The following STK3 variants were observed in gnomAD, a reference collection of about 807,000 sequenced individuals.
STK3 encodes the protein serine/threonine-protein kinase 3.
In STK3, 41 loss-of-function variants were observed where a neutral mutation model predicts 58.0. The observed-to-expected ratio is 0.71, with a 90% CI of 0.55 to 0.92. STK3 has a LOEUF of 0.92. STK3 is among the 40% of genes least tolerant of loss of function. The probability of loss-of-function intolerance (pLI) is 0.00; values close to 1 mark genes in which losing one functional copy is unlikely to be tolerated. For missense variants in STK3, 479 were observed against 602.7 expected, an observed-to-expected ratio of 0.79 and a Z score of 2.15; for synonymous variants, 170 against 191.0, an observed-to-expected ratio of 0.89 and a Z score of 0.91.
downstream of STK3, among the ~76,000 whole-genome samples, chr8:98,450,852 C>T (rs1320941655): frequency 6.6e-6 from 1 of 152,180 alleles, no homozygotes; most frequent in East Asian, 1.9e-4. Flanking sequence ...GAAGAGCCAT[C>T]AGCAAGCAGG....
At chr8:98,667,985 C>T (rs1266168735) in intron 6 of STK3, among the ~76,000 whole-genome samples, 1 of 152,044 alleles carries the variant, frequency 6.6e-6, no homozygotes, top group African/African-American at 2.4e-5. Context: ...CTTAAAAATA[C>T]ATTAGAGTAT....
intron 3 of STK3, among the ~76,000 whole-genome samples, chr8:98,860,996 G>A (rs903069612): frequency 2.0e-5 from 3 of 152,068 alleles, no homozygotes; most frequent in African/African-American, 7.2e-5. Context: ...GGAGGTGGAG[G>A]TTGCAGTGAG....
In STK3 at chr8:98,522,552, C is replaced by CA. The variant is rs530172074; in HGVS notation, c.1317+4189dup. Among the ~76,000 whole-genome samples, 187 of 151,946 alleles carry CA rather than the reference C, an allele frequency of 1.2e-3. 1 individual carries two copies. The highest frequency in any genetic ancestry group is 4.1e-3 in the African/African-American group (172 of 41,452). ...CCTCTTCTCTTATGCATTTTTTATGCAAAAAAATGCATAACACAAAATTAA... is the reference window on the plus strand; with the variant it reads ...CCTCTTCTCTTATGCATTTTTTATGCAAAAAAAATGCATAACACAAAATTAA... On this transcript the variant is annotated intron_variant, in intron 10 of 10. Coordinates refer to ENST00000419617, the MANE Select transcript of STK3 (RefSeq NM_006281.4).
chr8:98,876,381 A>T (rs1437771305), intron 3 of STK3, among the ~76,000 whole-genome samples: 1 of 152,188 alleles, frequency 6.6e-6, no homozygotes, highest in East Asian at 1.9e-4. Flanking sequence ...AGAGAAATTA[A>T]TCTCTCAATG....
intron 4 of STK3, among the ~76,000 whole-genome samples, chr8:98,712,126 G>C (rs1232548466): frequency 6.6e-6 from 1 of 152,196 alleles, no homozygotes; most frequent in African/African-American, 2.4e-5. Flanking sequence ...AAGAGCTCTT[G>C]AAGGAAGCAA....
intron 3 of STK3, among the ~76,000 whole-genome samples, chr8:98,433,401 T>C (rs1818373109): frequency 6.6e-6 from 1 of 152,076 alleles, no homozygotes; most frequent in African/African-American, 2.4e-5. Flanking sequence ...TGCTGGGGGA[T>C]ACATAGAGAC....
chr8:98,569,039 A>C (rs1812738252), intron 8 of STK3, among the ~76,000 whole-genome samples: 1 of 152,230 alleles, frequency 6.6e-6, no homozygotes, highest in South Asian at 2.1e-4. Context: ...GCAAAGATCC[A>C]AAAACTCCCA....
intron 10 of STK3, among the ~76,000 whole-genome samples, chr8:98,488,969 C>A (rs1429060323): frequency 6.6e-6 from 1 of 152,092 alleles, no homozygotes; most frequent in Non-Finnish European, 1.5e-5. Context: ...CCCATTTCAC[C>A]CCTTTCTCCA....
At chr8:98,375,274 A>AAAAC (rs1554585399) in intron 2 of STK3, among the ~76,000 whole-genome samples, 1 of 143,006 alleles carries the variant, frequency 7.0e-6, no homozygotes, top group African/African-American at 2.9e-5. Flanking sequence ...AAAAAAACAA[A>AAAAC]AAAAAACAAA....
intron 1 of STK3, among the ~76,000 whole-genome samples, chr8:98,894,025 T>C (rs1481007648): frequency 6.6e-6 from 1 of 152,232 alleles, no homozygotes; most frequent in East Asian, 1.9e-4. Context: ...GTTCACTGGT[T>C]TATTAGTTTG....
intron 4 of STK3, among the ~76,000 whole-genome samples, chr8:98,726,469 C>T (rs909941901): frequency 2.0e-5 from 3 of 152,050 alleles, no homozygotes; most frequent in African/African-American, 7.2e-5. Context: ...TGGTCTAATC[C>T]CACAATGCAT....
chr8:98,389,770 C>T (rs867415142), upstream of STK3, among the ~76,000 whole-genome samples: 6 of 149,992 alleles, frequency 4.0e-5, no homozygotes, highest in African/African-American at 1.5e-4. Context: ...AGACCAACCA[C>T]CAAAGCCAGG....
intron 1 of STK3, among the ~76,000 whole-genome samples, chr8:98,934,332 T>C (rs1157857585): frequency 6.6e-6 from 1 of 152,210 alleles, no homozygotes; most frequent in Non-Finnish European, 1.5e-5. Flanking sequence ...AATGCTGCCA[T>C]GTGGTACAAG....
At chr8:98,582,280 T>C (rs905710740) in intron 7 of STK3, among the ~76,000 whole-genome samples, 1 of 152,026 alleles carries the variant, frequency 6.6e-6, no homozygotes, top group African/African-American at 2.4e-5. Context: ...TTTTTCTTGT[T>C]GAAATACTTT....
upstream of STK3, among the ~76,000 whole-genome samples, chr8:98,390,671 T>C (rs1817840402): frequency 6.6e-6 from 1 of 152,166 alleles, no homozygotes; most frequent in Non-Finnish European, 1.5e-5. Flanking sequence ...GGGTCTCTGA[T>C]GACTTAAATG....
At chr8:98,909,815 A>T (rs1264556758) in intron 1 of STK3, among the ~76,000 whole-genome samples, 1 of 152,258 alleles carries the variant, frequency 6.6e-6, no homozygotes, top group African/African-American at 2.4e-5. Flanking sequence ...GTTGCTATAA[A>T]CATTCATGTT....
chr8:98,720,091 T>G (rs1460842637), intron 4 of STK3, among the ~76,000 whole-genome samples: 1 of 152,254 alleles, frequency 6.6e-6, no homozygotes, highest in Non-Finnish European at 1.5e-5. Context: ...ATCTGTACTT[T>G]AAGACTTTTA....
upstream of STK3, among the ~76,000 whole-genome samples, chr8:98,828,412 G>A (rs1341736526): frequency 7.6e-6 from 1 of 131,524 alleles, no homozygotes; most frequent in Non-Finnish European, 1.6e-5. Flanking sequence ...GACCAGCCTG[G>A]GAAACATGGT....
chr8:98,737,233 G>T lies in STK3; in HGVS notation c.351+12043C>A, dbSNP rs80290165. ...TTCATTTAAGTGAATATAATAATAA[G>T]AAAAGTCAATTCAAGGGCTCTACCT... is the stretch of plus-strand genomic sequence containing the variant. On this transcript the variant is annotated intron_variant, in intron 4 of 10. Coordinates refer to ENST00000419617, the MANE Select transcript of STK3 (RefSeq NM_006281.4). Among the ~76,000 whole-genome samples, 238 of 152,064 alleles carry T rather than the reference G, an allele frequency of 1.6e-3. 1 individual carries two copies. Among genetic ancestry groups the T allele is most frequent in the African/African-American group, 5.4e-3 (225 of 41,466 alleles).
Sources: allele counts gnomAD v4.1 joint callset (sites outside exome capture counted in the v4.1 genomes callset), GRCh38; gene constraint gnomAD v4.1.1; transcripts MANE v1.5; gene names NCBI Gene and HGNC (gene_info 2026-07-23, HGNC 2026-07-21).